SV2B: variants seen among roughly 807,000 people sequenced by gnomAD.
SV2B encodes the protein synaptic vesicle glycoprotein 2B.
A neutral mutation model predicts 73.9 loss-of-function variants in SV2B; 41 were observed. That is an observed-to-expected ratio of 0.56 (90% CI 0.43 to 0.72). SV2B has a LOEUF of 0.72. Among genes scored for constraint, SV2B ranks in the 30% least tolerant of loss-of-function variants. The probability of loss-of-function intolerance (pLI) is 0.00; values close to 1 mark genes in which losing one functional copy is unlikely to be tolerated. For missense variants in SV2B, 764 were observed against 857.8 expected, an observed-to-expected ratio of 0.89 and a Z score of 1.37; for synonymous variants, 314 against 314.2, an observed-to-expected ratio of 1.00 and a Z score of 0.01.
intron 1 of SV2B, among the ~76,000 whole-genome samples, chr15:91,222,338 G>A (rs1020434546): frequency 6.6e-6 from 1 of 152,206 alleles, no homozygotes; most frequent in Non-Finnish European, 1.5e-5. Flanking sequence ...ACTTAGCACA[G>A]ACGCTGGCAC....
At position 91,136,031 on chromosome 15, in the gene SV2B, A is replaced by G. The variant is rs2042813620; in HGVS notation, c.-392+35668A>G. Among the ~76,000 whole-genome samples, 1 of 151,750 alleles carries G rather than the reference A, an allele frequency of 6.6e-6. No individual in the cohort carries two copies. The highest frequency in any genetic ancestry group is 2.4e-5 in the African/African-American group (1 of 41,282). ...ACACACACTTGATTTTTTTTTTGGC[A>G]TGTGTAGATATGAAAATAATATAAA... On this transcript the variant is annotated intron_variant, in intron 1 of 12. Transcript: ENST00000394232. The surrounding 1 kb of genome is among the most constrained non-coding windows in gnomAD (Gnocchi z 5.6).
Position 91,173,448 on chromosome 15 carries a change from G to A in SV2B, c.-391-52425G>A, listed in dbSNP as rs191317659. On this transcript the variant is annotated intron_variant, in intron 1 of 12. Transcript: ENST00000394232. ...TTTAATGCTCTCAGTTCTAGTTAAA[G>A]CCAAACCAGGAGCACTGCCTTCTGG... Among the ~76,000 whole-genome samples, 27 of 152,274 alleles carry A rather than the reference G, an allele frequency of 1.8e-4. No homozygotes were observed. The East Asian group carries it at 4.4e-3, about 25-fold the overall frequency.
At chr15:91,165,963 T>G (rs568258529) in intron 1 of SV2B, among the ~76,000 whole-genome samples, 2 of 152,366 alleles carry the variant, frequency 1.3e-5, no homozygotes, top group African/African-American at 4.8e-5. Flanking sequence ...CCTTCAGTCT[T>G]GAAGGATGTT....
At chr15:91,266,387 C>T (rs578140263) in intron 6 of SV2B, among the ~76,000 whole-genome samples, 195 bp from the exon 7 acceptor site, 6 of 152,252 alleles carry the variant, frequency 3.9e-5, no homozygotes, top group South Asian at 2.1e-4. Context: ...CTCTATGGCT[C>T]GTCTTTATCC....
chr15:91,292,668 T>C lies in SV2B; in HGVS notation c.*116T>C. 7.8e-7 allele frequency: 1 copy of C among 1,275,702 alleles called. No individual in the cohort carries two copies. Among genetic ancestry groups the C allele is most frequent in the African/African-American group, 1.5e-5 (1 of 66,276 alleles). 79.0% of individuals were successfully genotyped at this position (1,275,702 alleles called of 1,614,324 possible). A position where few individuals can be genotyped will look rare whatever the true frequency, so the allele number is the denominator to read the frequency against. ...CCTTGGATAGCACGGGAGGAGAAGT[T>C]GACTTTGTGACCCCTAGTTTAGGAC... On this transcript the variant is annotated 3_prime_UTR_variant, in exon 13 of 13. Transcript: ENST00000394232.
At position 91,271,431 on chromosome 15, in the gene SV2B, T is replaced by G. The variant is rs2048315089; in HGVS notation, c.1373+2826T>G. Among the ~76,000 whole-genome samples the G allele has an allele frequency of 2.6e-5, 4 of 152,196 alleles. No individual in the cohort carries two copies. In the South Asian group the frequency reaches 8.3e-4, roughly 31 times the overall value. ...TGGGAATGTATAGGTGTGCCAAGGA[T>G]TGTCTTGGAGTGGATTGTCTTCACA... On this transcript the variant is annotated intron_variant, in intron 9 of 12. Coordinates refer to ENST00000394232, the MANE Select transcript of SV2B (RefSeq NM_001323032.3).
chr15:91,252,603 T>C lies in SV2B; in HGVS notation c.784+83T>C. On this transcript the variant is annotated intron_variant, in intron 4 of 12. Transcript: ENST00000394232. This position sits in a 1 kb window ranked among gnomAD's most constrained non-coding sequence, Gnocchi z 4.6. ...ACAATAGTTCCTGTCCTCAGCCTTA[T>C]TCCATGTACTCACGCACAGTTCCCG... is the stretch of plus-strand genomic sequence containing the variant. 1 of 1,423,688 alleles carries C rather than the reference T, an allele frequency of 7.0e-7. No homozygotes were observed. The highest frequency in any genetic ancestry group is 9.3e-7 in the Non-Finnish European group (1 of 1,080,588). The allele number at this position is 1,423,688 out of a possible 1,614,324, so 88.2% of individuals were successfully genotyped here.
In SV2B at chr15:91,296,664, C is replaced by G. The variant is rs2049242993; in HGVS notation, c.*4112C>G. 2 of 150,028 alleles carry G rather than the reference C, an allele frequency of 1.3e-5. No individual in the cohort carries two copies. Among genetic ancestry groups the G allele is most frequent in the African/African-American group, 5.0e-5 (2 of 39,748 alleles). The allele number at this position is 150,028 out of a possible 1,614,324, so 9.3% of individuals were successfully genotyped here. On this transcript the variant is annotated 3_prime_UTR_variant, in exon 13 of 13. Transcript: ENST00000394232. Reference sequence around the variant, plus strand: ...TCTTTCTGCCTGATCGTTGGGAGCACACCCCTTCTGCCTGATCATTGGGAG... The same window carrying G: ...TCTTTCTGCCTGATCGTTGGGAGCAGACCCCTTCTGCCTGATCATTGGGAG...
chr15:91,143,494 A>G (rs537792041), intron 1 of SV2B, among the ~76,000 whole-genome samples: 2 of 152,112 alleles, frequency 1.3e-5, no homozygotes, highest in Non-Finnish European at 2.9e-5. Context: ...TTATTTTCAC[A>G]TTGCTCCAGT....
chr15:91,188,602 A>G (rs2044873512), intron 1 of SV2B, among the ~76,000 whole-genome samples: 1 of 151,890 alleles, frequency 6.6e-6, no homozygotes, highest in Non-Finnish European at 1.5e-5. Flanking sequence ...GGCGTGAGCC[A>G]CCACTCCCGG....
rs775037521 is a variant in SV2B, at chr15:91,252,035, G to A, written c.632+36G>A. The A allele has an allele frequency of 6.2e-7, 1 of 1,606,482 alleles. No individual in the cohort carries two copies. The highest frequency in any genetic ancestry group is 2.2e-5 in the East Asian group (1 of 44,790). On this transcript the variant is annotated intron_variant, in intron 3 of 12. Coordinates refer to ENST00000394232, the MANE Select transcript of SV2B (RefSeq NM_001323032.3). The surrounding 1 kb of genome is among the most constrained non-coding windows in gnomAD (Gnocchi z 4.6). ...AGGGAGGTGGAGCTGGACCATCCCA[G>A]ACCAATGGCCCATCCATTCTGGTAT...
At chr15:91,149,954 C>T (rs910683756) in intron 1 of SV2B, among the ~76,000 whole-genome samples, 11 of 152,262 alleles carry the variant, frequency 7.2e-5, no homozygotes, top group African/African-American at 2.4e-4. Context: ...GAGTATGTAG[C>T]GCTGACCCTC....
At chr15:91,112,178 T>G (rs2042055522) in intron 1 of SV2B, among the ~76,000 whole-genome samples, 1 of 151,762 alleles carries the variant, frequency 6.6e-6, no homozygotes, top group African/African-American at 2.4e-5. Context: ...GGGGAGAAGT[T>G]TGGTGAGAAG....
rs1166656012 is a variant in SV2B at position 91,106,465 on chromosome 15, A to C, written c.-392+6102A>C. 6.6e-6 allele frequency among the ~76,000 whole-genome samples: 1 copy of C among 152,212 alleles called. No individual in the cohort carries two copies. Among genetic ancestry groups the C allele is most frequent in the African/African-American group, 2.4e-5 (1 of 41,452 alleles). On this transcript the variant is annotated intron_variant, in intron 1 of 12. Transcript: ENST00000394232. The surrounding 1 kb of genome is among the most constrained non-coding windows in gnomAD (Gnocchi z 4.4). ...CACTTACTTACTAGAGTTGACTGCA[A>C]ATCTTTGCTTTGGTGGATTTTGAAG...
chr15:91,202,100 T>C (rs2045480568), intron 1 of SV2B, among the ~76,000 whole-genome samples: 1 of 152,180 alleles, frequency 6.6e-6, no homozygotes, highest in South Asian at 2.1e-4. Context: ...ATGTCACCTA[T>C]CATGAGATCT....
At chr15:91,221,690 T>TGTGCACGCGCGCGCGC (rs142861264) in intron 1 of SV2B, among the ~76,000 whole-genome samples, 1 of 110,938 alleles carries the variant, frequency 9.0e-6, no homozygotes, top group African/African-American at 2.9e-5. Flanking sequence ...ACCAAGCATG[T>TGTGCACGCGCGCGCGC]GCGCACACAC....
intron 1 of SV2B, among the ~76,000 whole-genome samples, chr15:91,109,104 A>C (rs2041968519): frequency 6.6e-6 from 1 of 152,238 alleles, no homozygotes; most frequent in Non-Finnish European, 1.5e-5. Context: ...GATAGGCTAC[A>C]TCCTTCCTCC....
chr15:91,292,274 C>G, intron 12 of SV2B, 95 bp from the exon 13 acceptor site: 1 of 1,287,492 alleles, frequency 7.8e-7, no homozygotes, highest in Non-Finnish European at 1.1e-6. Context: ...CTCCCTTGCA[C>G]CCTCTTCCCC....
At chr15:91,243,323 G>A (rs2047096229) in intron 2 of SV2B, among the ~76,000 whole-genome samples, 1 of 152,170 alleles carries the variant, frequency 6.6e-6, no homozygotes, top group Admixed American at 6.5e-5. Flanking sequence ...TGGATTGGAG[G>A]CACCAAAAGG....
Sources: allele counts gnomAD v4.1 joint callset (sites outside exome capture counted in the v4.1 genomes callset), GRCh38; gene constraint gnomAD v4.1.1; non-coding constraint Gnocchi (gnomAD v3.1); transcripts MANE v1.5; gene names NCBI Gene and HGNC (gene_info 2026-07-23, HGNC 2026-07-21).